MAP3K12: variants seen among roughly 807,000 people sequenced by gnomAD.
The protein encoded by MAP3K12 is MAPK-upstream kinase.
A neutral mutation model predicts 87.5 loss-of-function variants in MAP3K12; 14 were observed. The ratio of observed to expected loss-of-function variants is 0.16; its 90% CI spans 0.11 to 0.25. The LOEUF (loss-of-function observed/expected upper bound fraction) is 0.25. MAP3K12 is among the 10% of genes least tolerant of loss of function. The pLI is 1.00. For missense variants in MAP3K12, 802 were observed against 1,140.4 expected (o/e 0.70, Z 4.27); for synonymous variants, 469 against 452.5 (o/e 1.04, Z -0.46).
At chr12:53,495,093 A>G (rs1943511886) in intron 1 of MAP3K12, among the ~76,000 whole-genome samples, 1 of 152,034 alleles carries the variant, frequency 6.6e-6, no homozygotes, top group African/African-American at 2.4e-5. Flanking sequence ...TAGTCCCAGC[A>G]CTTTGGGAGG....
intron 1 of MAP3K12, among the ~76,000 whole-genome samples, chr12:53,492,611 T>C (rs956375514): frequency 6.6e-6 from 1 of 151,714 alleles, no homozygotes; most frequent in Non-Finnish European, 1.5e-5. Flanking sequence ...CCCCAACATA[T>C]CCCACGCGTT....
rs1339279425 is a variant in MAP3K12, at chr12:53,483,727, C to T, written c.1359-4G>A. 1.9e-6 allele frequency: 3 copies of T among 1,613,788 alleles called. No homozygotes were observed. In the Admixed American group the frequency reaches 5.0e-5, roughly 27 times the overall value. On this transcript the variant is annotated splice_region_variant and splice_polypyrimidine_tract_variant and intron_variant, in intron 8 of 13. Coordinates refer to ENST00000547488, the MANE Select transcript of MAP3K12 (RefSeq NM_001193511.2). The stretch of plus-strand genomic sequence containing the variant: ...CTCCCTGATGTCCAGGGCGTGTCTG[C>T]AACGGGCAGAAAGGTTCCCCAAGGT...
Position 53,484,944 on chromosome 12 carries a change from G to A in MAP3K12, c.1139+112C>T, listed in dbSNP as rs566987949. On this transcript the variant is annotated intron_variant, in intron 6 of 13. Coordinates refer to ENST00000547488, the MANE Select transcript of MAP3K12 (RefSeq NM_001193511.2). ...TAGCATGAGCCTGATTCAGATGAAA[G>A]TCAGTCTCTTTGAATTAAATGTACC... 5.9e-6 allele frequency: 8 copies of A among 1,367,366 alleles called. No individual in the cohort carries two copies. The East Asian group carries it at 2.0e-4, about 34-fold the overall frequency. The allele number at this position is 1,367,366 out of a possible 1,614,324, so 84.7% of individuals were successfully genotyped here.
intron 9 of MAP3K12, 30 bp from the exon 10 acceptor site, chr12:53,483,516 C>T (rs1943136725): frequency 6.2e-7 from 1 of 1,613,788 alleles, no homozygotes; most frequent in East Asian, 2.2e-5. Context: ...CTCAGCTGGG[C>T]AAATGACCAG....
rs117424711 is a variant in MAP3K12 at position 53,497,581 on chromosome 12, A to G, written c.-38+1846T>C. 6.2e-4 allele frequency among the ~76,000 whole-genome samples: 95 copies of G among 152,234 alleles called. 2 individuals carry two copies. The East Asian group carries it at 0.016, about 26-fold the overall frequency. ...GTGGCCAGGCCCTCATGAAGCCCCT[A>G]TGTCCCCTGCTGGCATCATCTCAAC... On this transcript the variant is annotated intron_variant, in intron 1 of 13. Transcript: ENST00000547488.
In MAP3K12 at chr12:53,482,993, G is replaced by T; in HGVS notation, c.1810C>A (p.Pro604Thr). 1.9e-6 allele frequency: 3 copies of T among 1,574,976 alleles called. No homozygotes were observed. Among genetic ancestry groups the T allele is most frequent in the Non-Finnish European group, 2.6e-6 (3 of 1,161,262 alleles). ...GLRTAVPPHE[P>T]GGPGSPGGLG... is the part of the protein sequence containing the mutation. The stretch of plus-strand genomic sequence containing the variant: ...CCCCCTGGGCTTCCTGGTCCTCCAG[G>T]TTCATGGGGTGGCACAGCTGTACGA... Residue 604 changes from proline (P) to threonine (T), a missense_variant, in exon 11 of 14, where the codon CCT becomes ACT. Physicochemically the swap from Pro to Thr is conservative, Grantham distance 38. This residue lies in a region of MAP3K12 where 490 missense variants were observed against 496.6 expected (regional missense o/e 0.99). Coordinates refer to ENST00000547488, the MANE Select transcript of MAP3K12 (RefSeq NM_001193511.2).
In MAP3K12 at chr12:53,484,033, A is replaced by G; in HGVS notation, c.1249-13T>C. On this transcript the variant is annotated splice_polypyrimidine_tract_variant and intron_variant, in intron 7 of 13. Coordinates refer to ENST00000547488, the MANE Select transcript of MAP3K12 (RefSeq NM_001193511.2). ...CCCGCCACTCTGCCTATGGGTTGAG[A>G]GCAGATGAAGAGTGAGAGCCATCCC... 2 of 1,611,718 alleles carry G rather than the reference A, an allele frequency of 1.2e-6. No homozygotes were observed. The highest frequency in any genetic ancestry group is 1.7e-6 in the Non-Finnish European group (2 of 1,177,854).
chr12:53,484,618 T>C (rs1228464455), intron 6 of MAP3K12: 1 of 496,808 alleles, frequency 2.0e-6, no homozygotes, highest in Non-Finnish European at 3.6e-6. Flanking sequence ...CTTTTCTGAA[T>C]AACTTCATTG....
chr12:53,480,837 C>G lies in MAP3K12; in HGVS notation c.*345G>C, dbSNP rs1943002928. ...TAAGTGGTTTTCTCTCCTGCCCCTC[C>G]CACCGCCCCTCCCCCCACCCCCTAT... On this transcript the variant is annotated 3_prime_UTR_variant, in exon 14 of 14. Coordinates refer to ENST00000547488, the MANE Select transcript of MAP3K12 (RefSeq NM_001193511.2). 6.6e-6 allele frequency: 1 copy of G among 152,158 alleles called. No individual in the cohort carries two copies. The highest frequency in any genetic ancestry group is 1.5e-5 in the Non-Finnish European group (1 of 68,070). 9.4% of individuals were successfully genotyped at this position (152,158 alleles called of 1,614,324 possible). A position where few individuals can be genotyped will look rare whatever the true frequency, so the allele number is the denominator to read the frequency against.
chr12:53,480,501 A>G lies in MAP3K12; in HGVS notation c.*681T>C, dbSNP rs1039857881. ...GAAAACCCTCAACAGCTGGGCCTGC[A>G]TGGAGTGTTATATTTCAAGGTTTTT... On this transcript the variant is annotated 3_prime_UTR_variant, in exon 14 of 14. Coordinates refer to ENST00000547488, the MANE Select transcript of MAP3K12 (RefSeq NM_001193511.2). 6.6e-6 allele frequency: 1 copy of G among 152,576 alleles called. No individual in the cohort carries two copies. Among genetic ancestry groups the G allele is most frequent in the African/African-American group, 2.4e-5 (1 of 41,424 alleles). 9.5% of individuals were successfully genotyped at this position (152,576 alleles called of 1,614,324 possible).
Position 53,482,102 on chromosome 12 carries a change from C to G in MAP3K12, c.2419G>C (p.Glu807Gln). 1 of 1,614,192 alleles carries G rather than the reference C, an allele frequency of 6.2e-7. No homozygotes were observed. The change falls in exon 13 of 14, where the codon GAA (glutamate) becomes CAA (glutamine). Residue 807 changes from glutamate (E) to glutamine (Q), a missense_variant. Around this residue, in one of 5 missense-constraint regions of MAP3K12, gnomAD observed 490 missense variants for 496.6 expected, o/e 0.99. Coordinates refer to ENST00000547488, the MANE Select transcript of MAP3K12 (RefSeq NM_001193511.2). ...TCATCAGTGTTGGTGCTGCCAACTTCAGGTGTGCCACTGGGGGAAGGTTCA... is the reference window on the plus strand; with the variant it reads ...TCATCAGTGTTGGTGCTGCCAACTTGAGGTGTGCCACTGGGGGAAGGTTCA... Reference protein sequence around the residue: ...ASEPSPSGTPEVGSTNTDERP... With the variant: ...ASEPSPSGTPQVGSTNTDERP...
chr12:53,483,505 T>G lies in MAP3K12; in HGVS notation c.1476-19A>C. 6.2e-7 allele frequency: 1 copy of G among 1,613,966 alleles called. No homozygotes were observed. The highest frequency in any genetic ancestry group is 8.5e-7 in the Non-Finnish European group (1 of 1,179,936). ...CTCTCGCCTAAAGATCCAGGCACCT[T>G]CTCAGCTGGGCAAATGACCAGGAAG... On this transcript the variant is annotated intron_variant, in intron 9 of 13. Coordinates refer to ENST00000547488, the MANE Select transcript of MAP3K12 (RefSeq NM_001193511.2).
In MAP3K12 at chr12:53,482,216, A is replaced by G; in HGVS notation, c.2310-5T>C. The G allele has an allele frequency of 2.5e-6, 4 of 1,614,134 alleles. No individual in the cohort carries two copies. Among genetic ancestry groups the G allele is most frequent in the South Asian group, 1.1e-5 (1 of 91,082 alleles). ...ATGTTCAGGCTCTGAGGCCACCTAC[A>G]TGTTGAAGAGGGGGATTACAGCTTG... On this transcript the variant is annotated splice_polypyrimidine_tract_variant and splice_region_variant and intron_variant, in intron 12 of 13. Transcript: ENST00000547488.
chr12:53,485,624 C>T (rs1168823130), intron 4 of MAP3K12, 149 bp from the exon 5 acceptor site: 21 of 813,948 alleles, frequency 2.6e-5, no homozygotes, highest in Non-Finnish European at 3.1e-5. Context: ...GGCTCAATCT[C>T]GGCTCACTGC....
chr12:53,486,582 C>G lies in MAP3K12; in HGVS notation c.486G>C (p.Gln162His), dbSNP rs781206256. 1.2e-6 allele frequency: 2 copies of G among 1,612,856 alleles called. No homozygotes were observed. Among genetic ancestry groups the G allele is most frequent in the Non-Finnish European group, 1.7e-6 (2 of 1,179,470 alleles). The change falls in exon 3 of 14, where the codon CAG (glutamine) becomes CAC (histidine). Residue 162 changes from glutamine to histidine, a missense_variant. Gln to His is a conservative substitution (Grantham distance 24). Around this residue, in one of 5 missense-constraint regions of MAP3K12, gnomAD observed 57 missense variants for 161.8 expected, o/e 0.35. Coordinates refer to ENST00000547488, the MANE Select transcript of MAP3K12 (RefSeq NM_001193511.2). The surrounding 1 kb of genome is among the most constrained non-coding windows in gnomAD (Gnocchi z 4.9). Reference sequence around the variant, plus strand: ...CACCCTGGGCCCCTGAGCCCACCCACTGCAGGTCCAGGATTTCCTCAAAGG... The same window carrying G: ...CACCCTGGGCCCCTGAGCCCACCCAGTGCAGGTCCAGGATTTCCTCAAAGG... ...EVPFEEILDLQWVGSGAQGAV... is the reference protein window; with the variant it reads ...EVPFEEILDLHWVGSGAQGAV...
chr12:53,483,756 C>A (rs1943145844), intron 8 of MAP3K12, 33 bp from the exon 9 acceptor site: 1 of 1,613,420 alleles, frequency 6.2e-7, no homozygotes, highest in East Asian at 2.2e-5. Flanking sequence ...CCAAGGTGAA[C>A]TGGGTTCACC....
chr12:53,481,092 T>G lies in MAP3K12; in HGVS notation c.*90A>C. 1.8e-6 allele frequency: 1 copy of G among 543,376 alleles called. No homozygotes were observed. Among genetic ancestry groups the G allele is most frequent in the Non-Finnish European group, 2.5e-6 (1 of 396,366 alleles). The allele number at this position is 543,376 out of a possible 1,614,324, so 33.7% of individuals were successfully genotyped here. The stretch of plus-strand genomic sequence containing the variant: ...TACGGCTGGGACAGCCCCATCTTTC[T>G]GTTGATTATGTGGCGCATATATATA... On this transcript the variant is annotated 3_prime_UTR_variant, in exon 14 of 14. Coordinates refer to ENST00000547488, the MANE Select transcript of MAP3K12 (RefSeq NM_001193511.2).
chr12:53,493,134 G>A (rs1943461715), intron 1 of MAP3K12: 1 of 152,532 alleles, frequency 6.6e-6, no homozygotes, highest in Non-Finnish European at 1.5e-5. Flanking sequence ...GGGCGCTGCG[G>A]CGTAACCATG....
chr12:53,484,600 A>C, intron 6 of MAP3K12: 1 of 518,172 alleles, frequency 1.9e-6, no homozygotes. Context: ...GTCTCCCAAA[A>C]TAAAAGCCTT....
Sources: gnomAD v4.1 joint callset for allele counts (sites outside exome capture counted in the v4.1 genomes callset) on GRCh38, gnomAD v4.1.1 for gene constraint, gnomAD v4.1.1 regional missense constraint, Gnocchi (gnomAD v3.1) non-coding constraint, MANE v1.5 for transcripts, NCBI Gene and HGNC (gene_info 2026-07-23, HGNC 2026-07-21) for gene names.